ADK: variants seen among roughly 807,000 people sequenced by gnomAD.
The protein encoded by ADK is N6,N6-dimethyladenosine kinase.
ADK carries 24 observed loss-of-function variants against 44.7 expected under a neutral mutation model. That is an observed-to-expected ratio of 0.54 (90% CI 0.39 to 0.76). ADK has a LOEUF of 0.76. ADK is among the 30% of genes least tolerant of loss of function. The pLI, the probability that ADK is intolerant of heterozygous loss-of-function variation, is 0.00. For synonymous variants in ADK, 128 were observed against 142.6 expected, an observed-to-expected ratio of 0.90 and a Z score of 0.73; for missense variants, 321 against 425.1, an observed-to-expected ratio of 0.76 and a Z score of 2.15.
chr10:74,670,126 C>T (rs1855115157), intron 9 of ADK, 57 bp from the exon 10 acceptor site: 1 of 1,320,336 alleles, frequency 7.6e-7, no homozygotes, highest in Non-Finnish European at 1.1e-6. Flanking sequence ...ACTGGGTGAG[C>T]TTGTATTGAG....
At chr10:74,609,981 G>A (rs989201715) in intron 9 of ADK, among the ~76,000 whole-genome samples, 2 of 152,032 alleles carry the variant, frequency 1.3e-5, no homozygotes, top group Non-Finnish European at 2.9e-5. Flanking sequence ...GTCCTTGCAG[G>A]TTAATTGAGT....
chr10:74,369,278 A>G (rs919892455), intron 4 of ADK, among the ~76,000 whole-genome samples: 10 of 152,068 alleles, frequency 6.6e-5, no homozygotes, highest in African/African-American at 2.4e-4. Context: ...ATTATTTGAG[A>G]CCGGGAGGTA....
At chr10:74,155,214 T>C (rs549431232) in intron 1 of ADK, among the ~76,000 whole-genome samples, 1 of 152,262 alleles carries the variant, frequency 6.6e-6, no homozygotes, top group African/African-American at 2.4e-5. Context: ...CTGGGCATGG[T>C]GGCTCACACC....
At chr10:74,566,913 A>G (rs532237455) in intron 7 of ADK, among the ~76,000 whole-genome samples, 2 of 152,342 alleles carry the variant, frequency 1.3e-5, no homozygotes, top group African/African-American at 4.8e-5. Flanking sequence ...TTATTTCATA[A>G]TGGAATCTCT....
chr10:74,465,062 G>C (rs1281707601), intron 6 of ADK, among the ~76,000 whole-genome samples: 1 of 152,086 alleles, frequency 6.6e-6, no homozygotes, highest in Non-Finnish European at 1.5e-5. Context: ...TAGTATATTA[G>C]ATGGTAATAA....
intron 3 of ADK, among the ~76,000 whole-genome samples, chr10:74,247,221 TA>T (rs1845450186): frequency 1.5e-5 from 2 of 131,146 alleles, no homozygotes. Flanking sequence ...TTTTTTTTTT[TA>T]AGTTTTTTTT....
intron 9 of ADK, among the ~76,000 whole-genome samples, chr10:74,654,298 A>T (rs952641303): frequency 6.6e-6 from 1 of 152,242 alleles, no homozygotes. Flanking sequence ...AAAGCACCTG[A>T]TGTTTGGCCT....
At chr10:74,228,445 T>G (rs1844631791) in intron 3 of ADK, among the ~76,000 whole-genome samples, 2 of 152,170 alleles carry the variant, frequency 1.3e-5, no homozygotes, top group Admixed American at 1.3e-4. Flanking sequence ...TCAGTTTTAG[T>G]TTTGTAAATG....
intron 1 of ADK, among the ~76,000 whole-genome samples, chr10:74,157,716 TA>T (rs35499084): frequency 0.14 from 18,131 of 133,874 alleles, 1,138 homozygotes; most frequent in Middle Eastern, 0.23. Flanking sequence ...CCATCTTTAC[TA>T]AAAAAAAAAA....
At chr10:74,247,221 T>TC (rs1299224942) in intron 3 of ADK, among the ~76,000 whole-genome samples, 10 of 131,242 alleles carry the variant, frequency 7.6e-5, no homozygotes, top group African/African-American at 2.8e-4. Flanking sequence ...TTTTTTTTTT[T>TC]AAGTTTTTTT....
At chr10:74,176,714 C>T in intron 1 of ADK, 2 of 1,474,948 alleles carry the variant, frequency 1.4e-6, no homozygotes, top group Non-Finnish European at 9.0e-7. Context: ...CACGCCGGGC[C>T]GGCTAGCCAG....
At chr10:74,176,847 G>A in intron 1 of ADK, 4 of 1,607,358 alleles carry the variant, frequency 2.5e-6, no homozygotes, top group Non-Finnish European at 3.4e-6. Context: ...CGCGGGCGCC[G>A]TGGCGCTGGG....
chr10:74,579,696 G>A (rs973805515), intron 7 of ADK, among the ~76,000 whole-genome samples: 2 of 152,132 alleles, frequency 1.3e-5, no homozygotes, highest in African/African-American at 2.4e-5. Flanking sequence ...GAGACAGTGC[G>A]AGAGAAGACA....
chr10:74,386,770 G>GT (rs909159501), intron 4 of ADK, among the ~76,000 whole-genome samples: 3 of 151,934 alleles, frequency 2.0e-5, no homozygotes, highest in African/African-American at 7.3e-5. Context: ...TTTTATTTCT[G>GT]TTTTTCATTG....
At chr10:74,338,796 G>C (rs1841493478) in intron 4 of ADK, among the ~76,000 whole-genome samples, 1 of 152,184 alleles carries the variant, frequency 6.6e-6, no homozygotes, top group Non-Finnish European at 1.5e-5. Context: ...ATGACTATAA[G>C]GGAGTTGCAG....
At chr10:74,356,012 T>A (rs1446070324) in intron 4 of ADK, among the ~76,000 whole-genome samples, 3 of 131,020 alleles carry the variant, frequency 2.3e-5, no homozygotes, top group African/African-American at 8.6e-5. Context: ...ATTTTTTTTT[T>A]TTTTTTTTTT....
chr10:74,615,133 T>C (rs1048401141), intron 9 of ADK, among the ~76,000 whole-genome samples: 2 of 152,234 alleles, frequency 1.3e-5, no homozygotes, highest in Non-Finnish European at 2.9e-5. Flanking sequence ...TTTGAATTGC[T>C]TGCCCATACC....
chr10:74,511,668 G>A (rs1325830428), intron 6 of ADK, among the ~76,000 whole-genome samples: 26 of 152,036 alleles, frequency 1.7e-4, no homozygotes, highest in Admixed American at 1.7e-3. Flanking sequence ...GCAACTTTAT[G>A]GAATTCATTT....
At chr10:74,589,786 A>AC (rs1409042479) in intron 8 of ADK, among the ~76,000 whole-genome samples, 4 of 152,208 alleles carry the variant, frequency 2.6e-5, no homozygotes, top group Non-Finnish European at 4.4e-5. Context: ...AAAAGGTTGT[A>AC]CTTAACAGTT....
Sources: allele counts gnomAD v4.1 joint callset (sites outside exome capture counted in the v4.1 genomes callset), GRCh38; gene constraint gnomAD v4.1.1; transcripts MANE v1.5; gene names NCBI Gene and HGNC (gene_info 2026-07-23, HGNC 2026-07-21).